Variants in AMZ1 observed in about 807,000 individuals in gnomAD.
AMZ1 encodes the protein archaelysin family metallopeptidase 1, also known as archaemetzincin-1.
AMZ1 carries 39 observed loss-of-function variants against 29.9 expected under a neutral mutation model. The observed-to-expected ratio is 1.30, with a 90% CI of 1.01 to 1.70. The LOEUF (loss-of-function observed/expected upper bound fraction) is 1.70, where lower values mean the gene tolerates loss of function less well. Ranked by LOEUF, AMZ1 falls within the 40% of genes most tolerant of loss-of-function variation. AMZ1 has a pLI of 0.00. For synonymous variants in AMZ1, 458 were observed against 304.0 expected, an observed-to-expected ratio of 1.51 and a Z score of -5.27; for missense variants, 1,041 against 680.6, an observed-to-expected ratio of 1.53 and a Z score of -5.89.
upstream of AMZ1, among the ~76,000 whole-genome samples, chr7:2,683,449 T>C (rs755161624): frequency 7.9e-5 from 12 of 152,104 alleles, no homozygotes; most frequent in Non-Finnish European, 1.3e-4. Context: ...TTGTTTTTGT[T>C]TTTTTTGAGA....
chr7:2,708,467 C>T (rs943194208), intron 3 of AMZ1, 121 bp from the exon 4 acceptor site: 1 of 1,470,374 alleles, frequency 6.8e-7, no homozygotes, highest in East Asian at 2.4e-5. Context: ...GTGGCCCACA[C>T]CTGACTTGGG....
chr7:2,730,926 C>T (rs1789856660), intron 4 of AMZ1: 3 of 474,444 alleles, frequency 6.3e-6, no homozygotes, highest in Admixed American at 6.7e-5. Flanking sequence ...ATTAGGTGTT[C>T]CGTATTCACA....
chr7:2,712,323 C>G lies in AMZ1; in HGVS notation c.949-7C>G. 6.4e-7 allele frequency: 1 copy of G among 1,560,652 alleles called. No homozygotes were observed. Among genetic ancestry groups the G allele is most frequent in the Non-Finnish European group, 8.7e-7 (1 of 1,152,716 alleles). ...GAGCAAACTCAGCCTGTGTTTCTCC[C>G]TCTTAGAGACTCTACACCTGGACTC... On this transcript the variant is annotated splice_polypyrimidine_tract_variant and splice_region_variant and intron_variant, in intron 6 of 6. Coordinates refer to ENST00000683327, the MANE Select transcript of AMZ1 (RefSeq NM_001384743.1).
At chr7:2,762,735 C>T, upstream of AMZ1, 1 of 1,556,196 alleles carries the variant, frequency 6.4e-7, no homozygotes, top group South Asian at 1.2e-5. Flanking sequence ...CCATGTCCTC[C>T]CTCCCGCAGG....
At chr7:2,681,604 G>A (rs2115020389) in intron 1 of AMZ1, among the ~76,000 whole-genome samples, 2 of 152,312 alleles carry the variant, frequency 1.3e-5, no homozygotes, top group Middle Eastern at 6.8e-3. Flanking sequence ...TGTGGGGGCT[G>A]TGGGGAAGTC....
intron 4 of AMZ1, among the ~76,000 whole-genome samples, chr7:2,725,966 C>G (rs550246214): frequency 6.6e-6 from 1 of 152,236 alleles, no homozygotes; most frequent in Non-Finnish European, 1.5e-5. Context: ...CTCCCCTGAA[C>G]GCCAAGGCTT....
At chr7:2,749,878 A>G (rs892306629) in intron 4 of AMZ1, among the ~76,000 whole-genome samples, 2 of 152,156 alleles carry the variant, frequency 1.3e-5, no homozygotes, top group African/African-American at 4.8e-5. Flanking sequence ...AAAGAGAAAA[A>G]AGATAAAGAA....
chr7:2,707,415 G>T (rs927055298), intron 3 of AMZ1, among the ~76,000 whole-genome samples: 3 of 152,086 alleles, frequency 2.0e-5, no homozygotes, highest in African/African-American at 7.2e-5. Flanking sequence ...CTAACTCTGA[G>T]ACCCTCTCCG....
intron 1 of AMZ1, among the ~76,000 whole-genome samples, chr7:2,689,207 C>T (rs1787235368): frequency 6.6e-6 from 1 of 152,192 alleles, no homozygotes; most frequent in Non-Finnish European, 1.5e-5. Context: ...TTCAGAATAG[C>T]GAGAATCAGA....
intron 4 of AMZ1, among the ~76,000 whole-genome samples, chr7:2,741,798 C>T (rs897855890): frequency 1.3e-5 from 2 of 151,198 alleles, no homozygotes; most frequent in Admixed American, 6.6e-5. Flanking sequence ...TCTACAACCA[C>T]GGCAACTTCA....
intron 4 of AMZ1, among the ~76,000 whole-genome samples, chr7:2,753,134 T>C (rs1791117927): frequency 6.6e-6 from 1 of 151,792 alleles, no homozygotes; most frequent in African/African-American, 2.4e-5. Flanking sequence ...GTACTTAAAG[T>C]GAAACCATAC....
chr7:2,696,285 C>A (rs1270376931), intron 1 of AMZ1, among the ~76,000 whole-genome samples: 1 of 131,710 alleles, frequency 7.6e-6, no homozygotes, highest in African/African-American at 2.9e-5. Context: ...GAGATGGAGT[C>A]TCGCTCTGTC....
In AMZ1 at chr7:2,716,586, G is replaced by A. The variant is rs1789135347; in HGVS notation, c.*3708G>A. ...AGATCCCACCAAGTTCAAAGGGGGA[G>A]GCTAGAACATTCCAGGGACACACCT... On this transcript the variant is annotated 3_prime_UTR_variant, in exon 7 of 7. Transcript: ENST00000683327. 6.6e-6 allele frequency: 1 copy of A among 152,242 alleles called. No homozygotes were observed. Among genetic ancestry groups the A allele is most frequent in the Non-Finnish European group, 1.5e-5 (1 of 68,048 alleles). The allele number at this position is 152,242 out of a possible 1,614,324, so 9.4% of individuals were successfully genotyped here. A position where few individuals can be genotyped will look rare whatever the true frequency, so the allele number is the denominator to read the frequency against.
upstream of AMZ1, among the ~76,000 whole-genome samples, chr7:2,761,185 G>C (rs1343637186): frequency 6.6e-6 from 1 of 152,138 alleles, no homozygotes; most frequent in African/African-American, 2.4e-5. Context: ...ACCGTGCACG[G>C]CACTGCGCAA....
At chr7:2,684,872 C>CTT (rs60735391), upstream of AMZ1, among the ~76,000 whole-genome samples, 34 of 132,608 alleles carry the variant, frequency 2.6e-4, no homozygotes, top group South Asian at 9.4e-4. Flanking sequence ...CACATAATTG[C>CTT]TTTTTTTTTT....
chr7:2,679,589 A>C (rs1786812459), exon 1 of AMZ1: 1 of 152,328 alleles, frequency 6.6e-6, no homozygotes, highest in Non-Finnish European at 1.5e-5. Context: ...TGGACTTTGC[A>C]CTAGGTGCTG....
chr7:2,719,807 C>A (rs967625211), downstream of AMZ1, among the ~76,000 whole-genome samples: 2 of 151,780 alleles, frequency 1.3e-5, no homozygotes, highest in African/African-American at 4.8e-5. Context: ...CAGCCTCCCA[C>A]GTAGATGGGA....
At position 2,758,736 on chromosome 7, in the gene AMZ1, G is replaced by A. The variant is rs140610667; in HGVS notation, n.551-5976G>A. On this transcript the variant is annotated intron_variant and non_coding_transcript_variant, in intron 4 of 4. Transcript: ENST00000489665. ...CCTAACAGCAGAGTCACAGCCCTAG[G>A]CTGGAAGCCACCAGTGCCCACCTCT... 8.5e-4 allele frequency among the ~76,000 whole-genome samples: 130 copies of A among 152,318 alleles called. 1 individual carries two copies. Among genetic ancestry groups the A allele is most frequent in the African/African-American group, 2.9e-3 (122 of 41,566 alleles).
intron 4 of AMZ1, among the ~76,000 whole-genome samples, chr7:2,759,085 A>G (rs963518077): frequency 1.4e-4 from 22 of 152,012 alleles, no homozygotes; most frequent in African/African-American, 4.8e-4. Flanking sequence ...GGTTGCAATG[A>G]GCCGAGATTA....
Sources: gnomAD v4.1 joint callset for allele counts (sites outside exome capture counted in the v4.1 genomes callset) on GRCh38, gnomAD v4.1.1 for gene constraint, MANE v1.5 for transcripts, NCBI Gene and HGNC (gene_info 2026-07-23, HGNC 2026-07-21) for gene names.